DSCAML1: variants seen among roughly 807,000 people sequenced by gnomAD.
The protein encoded by DSCAML1 is DS cell adhesion molecule like 1.
In DSCAML1, 38 loss-of-function variants were observed where a neutral mutation model predicts 200.5. The observed-to-expected ratio is 0.19, with a 90% CI of 0.15 to 0.25. The LOEUF is 0.25. Ranked by LOEUF, DSCAML1 falls within the 10% of genes least tolerant of loss-of-function variation. The pLI is 1.00. For missense variants in DSCAML1, 2,223 were observed against 2,858.8 expected, an observed-to-expected ratio of 0.78 and a Z score of 5.07; for synonymous variants, 1,215 against 1,165.0, an observed-to-expected ratio of 1.04 and a Z score of -0.87.
intron 11 of DSCAML1, among the ~76,000 whole-genome samples, chr11:117,493,303 C>G (rs926702684): frequency 6.6e-6 from 1 of 150,656 alleles, no homozygotes; most frequent in African/African-American, 2.4e-5. Flanking sequence ...CAGTTTTCCC[C>G]CTGCCTCTGG....
chr11:117,438,512 A>G (rs1022297707), intron 24 of DSCAML1, among the ~76,000 whole-genome samples: 3 of 152,054 alleles, frequency 2.0e-5, no homozygotes, highest in Admixed American at 6.6e-5. Flanking sequence ...GCCCCAGCCC[A>G]GAGCGCTGAG....
chr11:117,812,135 GTCC>G (rs2055766505), intron 1 of DSCAML1, among the ~76,000 whole-genome samples: 1 of 151,874 alleles, frequency 6.6e-6, no homozygotes. Context: ...CCTCCTTTGC[GTCC>G]TCCTCTTGTA....
At chr11:117,645,900 TAATAAATA>T (rs541100117) in intron 3 of DSCAML1, among the ~76,000 whole-genome samples, 2 of 151,842 alleles carry the variant, frequency 1.3e-5, no homozygotes, top group Admixed American at 1.3e-4. Flanking sequence ...TAAAGTATAA[TAATAAATA>T]AATAAATAAA....
intron 3 of DSCAML1, among the ~76,000 whole-genome samples, chr11:117,739,069 T>A (rs2054375299): frequency 6.6e-6 from 1 of 152,240 alleles, no homozygotes. Context: ...TATTGTCTAA[T>A]CTGATCCTCC....
intron 17 of DSCAML1, among the ~76,000 whole-genome samples, chr11:117,462,034 C>A (rs997361719): frequency 2.0e-4 from 31 of 152,150 alleles, no homozygotes; most frequent in African/African-American, 5.8e-4. Context: ...TGGCTGCCAG[C>A]CCCTCTGTGT....
At chr11:117,583,543 C>G (rs1475066158) in intron 3 of DSCAML1, among the ~76,000 whole-genome samples, 1 of 152,210 alleles carries the variant, frequency 6.6e-6, no homozygotes, top group Non-Finnish European at 1.5e-5. Flanking sequence ...CTACGCGGCT[C>G]TCTCTTCTCC....
chr11:117,643,445 C>T (rs573471858), intron 3 of DSCAML1, among the ~76,000 whole-genome samples: 25 of 152,344 alleles, frequency 1.6e-4, no homozygotes, highest in African/African-American at 6.0e-4. Flanking sequence ...AACACAACCC[C>T]TCCCTGTGAG....
At chr11:117,540,559 A>G (rs2050249786) in intron 3 of DSCAML1, among the ~76,000 whole-genome samples, 1 of 152,114 alleles carries the variant, frequency 6.6e-6, no homozygotes, top group Non-Finnish European at 1.5e-5. Context: ...TGTTATGTAT[A>G]TTTTACCACA....
chr11:117,790,029 G>C (rs1030878344), intron 1 of DSCAML1, among the ~76,000 whole-genome samples: 1 of 152,148 alleles, frequency 6.6e-6, no homozygotes, highest in African/African-American at 2.4e-5. Flanking sequence ...GTGATCACCT[G>C]AATCTCCCTC....
At chr11:117,742,063 T>C (rs1489191260) in intron 3 of DSCAML1, among the ~76,000 whole-genome samples, 2 of 152,176 alleles carry the variant, frequency 1.3e-5, no homozygotes, top group Non-Finnish European at 2.9e-5. Context: ...CTTGGGTCTT[T>C]GGACGATGGC....
At chr11:117,595,164 A>G (rs889978765) in intron 3 of DSCAML1, among the ~76,000 whole-genome samples, 1 of 152,036 alleles carries the variant, frequency 6.6e-6, no homozygotes, top group African/African-American at 2.4e-5. Context: ...TTTAATGAGG[A>G]AGGCTTTCTT....
At chr11:117,574,271 G>A (rs1466378647) in intron 3 of DSCAML1, among the ~76,000 whole-genome samples, 3 of 152,194 alleles carry the variant, frequency 2.0e-5, no homozygotes, top group Non-Finnish European at 4.4e-5. Flanking sequence ...TCCCTGGGTG[G>A]TCCTAGAGAG....
At chr11:117,522,882 T>A (rs2049908047) in intron 5 of DSCAML1, among the ~76,000 whole-genome samples, 1 of 152,042 alleles carries the variant, frequency 6.6e-6, no homozygotes, top group African/African-American at 2.4e-5. Context: ...TGGAGAAAAG[T>A]CACATTGATT....
chr11:117,664,118 G>A (rs1264042269), intron 3 of DSCAML1, among the ~76,000 whole-genome samples: 1 of 152,216 alleles, frequency 6.6e-6, no homozygotes, highest in Non-Finnish European at 1.5e-5. Context: ...GGGAGAGGAG[G>A]CCAGGGGAGG....
At chr11:117,506,670 C>A (rs1326972878) in intron 8 of DSCAML1, among the ~76,000 whole-genome samples, 1 of 151,278 alleles carries the variant, frequency 6.6e-6, no homozygotes, top group Middle Eastern at 3.2e-3. Flanking sequence ...ATCTCAGCCT[C>A]CCAAGTAGCT....
intron 3 of DSCAML1, among the ~76,000 whole-genome samples, chr11:117,648,291 G>T (rs1052456246): frequency 6.6e-6 from 1 of 152,192 alleles, no homozygotes; most frequent in Non-Finnish European, 1.5e-5. Context: ...TGGTGTCCAG[G>T]GTGCTCCTGG....
At chr11:117,514,804 A>G (rs1395208680) in intron 8 of DSCAML1, among the ~76,000 whole-genome samples, 1 of 150,394 alleles carries the variant, frequency 6.6e-6, no homozygotes, top group Non-Finnish European at 1.5e-5. Context: ...CTGGTCTCAA[A>G]CTCCTGACCT....
At chr11:117,442,077 T>C (rs2048065351) in intron 21 of DSCAML1, among the ~76,000 whole-genome samples, 1 of 150,724 alleles carries the variant, frequency 6.6e-6, no homozygotes, top group Non-Finnish European at 1.5e-5. Flanking sequence ...GATGCGTGTT[T>C]GTGCACATGC....
intron 3 of DSCAML1, among the ~76,000 whole-genome samples, chr11:117,577,808 C>T (rs2050973661): frequency 6.7e-6 from 1 of 150,226 alleles, no homozygotes; most frequent in South Asian, 2.2e-4. Context: ...CTCAAGTGAT[C>T]CACCCGCCTC....
Sources: allele counts gnomAD v4.1 joint callset (sites outside exome capture counted in the v4.1 genomes callset), GRCh38; gene constraint gnomAD v4.1.1; transcripts MANE v1.5; gene names NCBI Gene and HGNC (gene_info 2026-07-23, HGNC 2026-07-21).